The following TMCC1 variants were observed in gnomAD, a reference collection of about 807,000 sequenced individuals.
TMCC1 encodes the protein transmembrane and coiled-coil domain family 1.
Under a neutral mutation model 52.4 loss-of-function variants are expected in TMCC1, and 15 were observed. The ratio of observed to expected loss-of-function variants is 0.29; its 90% CI spans 0.19 to 0.44. The LOEUF (loss-of-function observed/expected upper bound fraction) is 0.44. TMCC1 is among the 20% of genes least tolerant of loss of function. The pLI, the probability that TMCC1 is intolerant of heterozygous loss-of-function variation, is 1.00. For synonymous variants in TMCC1, 279 were observed against 301.9 expected (o/e 0.92, Z 0.79); for missense variants, 503 against 806.0 (o/e 0.62, Z 4.55).
chr3:129,723,718 T>C (rs1417490472), intron 4 of TMCC1, among the ~76,000 whole-genome samples: 1 of 152,110 alleles, frequency 6.6e-6, no homozygotes, highest in East Asian at 1.9e-4. Context: ...AATGAACAAC[T>C]AGGAAACACA....
At position 129,763,207 on chromosome 3, in the gene TMCC1, AAAATAAATAAATAAATAAAT is replaced by A. The variant is rs201181579; in HGVS notation, c.576+64576_576+64595del. ...AGCAAGACTCTGTCTCAAAAAATAA[AAAATAAATAAATAAATAAAT>A]AAATAAATAAATAAATAAATAAATA... On this transcript the variant is annotated intron_variant, in intron 4 of 6. Coordinates refer to ENST00000393238, the MANE Select transcript of TMCC1 (RefSeq NM_001017395.5). 9.1e-5 allele frequency among the ~76,000 whole-genome samples: 12 copies of A among 131,352 alleles called. 1 individual carries two copies. Among genetic ancestry groups the A allele is most frequent in the African/African-American group, 1.4e-4 (4 of 29,346 alleles). 86.2% of individuals were successfully genotyped at this position (131,352 alleles called of 152,430 possible).
intron 1 of TMCC1, among the ~76,000 whole-genome samples, chr3:129,885,766 CAG>C (rs1410881846): frequency 3.0e-4 from 45 of 151,862 alleles, no homozygotes; most frequent in African/African-American, 9.9e-4. Context: ...TTTTTTGAGA[CAG>C]AGTCTCACTC....
chr3:129,707,442 C>T (rs973943151), intron 4 of TMCC1, among the ~76,000 whole-genome samples: 50 of 152,158 alleles, frequency 3.3e-4, no homozygotes, highest in African/African-American at 1.2e-3. Context: ...TTATCACATA[C>T]GACTAAGAAG....
intron 4 of TMCC1, among the ~76,000 whole-genome samples, chr3:129,686,723 TAGTGTA>T (rs1416273710): frequency 6.6e-6 from 1 of 151,884 alleles, no homozygotes; most frequent in Non-Finnish European, 1.5e-5. Flanking sequence ...AGAAAAGGAA[TAGTGTA>T]AGGGAGGAAA....
chr3:129,863,715 A>G (rs1031680029), intron 2 of TMCC1, among the ~76,000 whole-genome samples: 1 of 152,098 alleles, frequency 6.6e-6, no homozygotes, highest in Non-Finnish European at 1.5e-5. Context: ...TACAAAAATT[A>G]GCCAGGCGTG....
At chr3:129,678,279 A>G (rs998508572) in intron 4 of TMCC1, among the ~76,000 whole-genome samples, 2 of 151,598 alleles carry the variant, frequency 1.3e-5, no homozygotes, top group Non-Finnish European at 2.9e-5. Flanking sequence ...AACATTAATA[A>G]TCATAGTTGC....
At chr3:129,829,291 A>G (rs565921868) in intron 3 of TMCC1, among the ~76,000 whole-genome samples, 2 of 152,250 alleles carry the variant, frequency 1.3e-5, no homozygotes, top group East Asian at 1.9e-4. Flanking sequence ...CCATATATCC[A>G]TACAAACTCA....
chr3:129,817,360 GATCGC>G (rs2058148465), intron 4 of TMCC1, among the ~76,000 whole-genome samples: 1 of 151,996 alleles, frequency 6.6e-6, no homozygotes, highest in Admixed American at 6.6e-5. Flanking sequence ...GAGGTGGGAG[GATCGC>G]TTGAGCCCAG....
In TMCC1 at chr3:129,828,077, G is replaced by A. The variant is rs1221414997; in HGVS notation, c.302C>T (p.Ala101Val). Residue 101 changes from alanine (A) to valine (V), a missense_variant, in exon 4 of 7, where the codon GCT becomes GTT. Transcript: ENST00000393238. This position sits in a 1 kb window ranked among gnomAD's most constrained non-coding sequence, Gnocchi z 4.1. ...EIDGVPTHPT[A>V]LNRVLQQIRV... ...AATCTGCTGCAGGACACGATTCAGA[G>A]CTGTGGGGTGGGTGGGGACACCATC... 6.2e-7 allele frequency: 1 copy of A among 1,614,178 alleles called. No homozygotes were observed. Among genetic ancestry groups the A allele is most frequent in the African/African-American group, 1.3e-5 (1 of 75,040 alleles).
chr3:129,707,729 C>A (rs182544564), intron 4 of TMCC1, among the ~76,000 whole-genome samples: 1 of 151,964 alleles, frequency 6.6e-6, no homozygotes, highest in Non-Finnish European at 1.5e-5. Flanking sequence ...GTCAGGAGAT[C>A]GAGACCATCC....
At chr3:129,803,088 A>T (rs2057284378) in intron 4 of TMCC1, among the ~76,000 whole-genome samples, 1 of 152,218 alleles carries the variant, frequency 6.6e-6, no homozygotes, top group Admixed American at 6.5e-5. Context: ...CTCCCATGGT[A>T]ATGTCATTAA....
intron 2 of TMCC1, among the ~76,000 whole-genome samples, chr3:129,865,791 G>A (rs1258502735): frequency 2.0e-5 from 3 of 152,138 alleles, no homozygotes; most frequent in Non-Finnish European, 2.9e-5. Context: ...TGAATGATGG[G>A]CCATTAATCA....
intron 4 of TMCC1, among the ~76,000 whole-genome samples, chr3:129,746,494 G>A (rs1322565349): frequency 3.9e-5 from 6 of 151,954 alleles, no homozygotes; most frequent in Non-Finnish European, 7.4e-5. Context: ...GATGACTACT[G>A]TGTAATATAA....
chr3:129,760,434 G>GTT (rs1307811598), intron 4 of TMCC1, among the ~76,000 whole-genome samples: 2 of 122,856 alleles, frequency 1.6e-5, no homozygotes, highest in African/African-American at 5.4e-5. Context: ...GTGTGTGTGT[G>GTT]TTTTTGAGAC....
chr3:129,866,249 T>C (rs913775536), intron 2 of TMCC1, among the ~76,000 whole-genome samples: 4 of 141,702 alleles, frequency 2.8e-5, no homozygotes, highest in African/African-American at 7.8e-5. Flanking sequence ...CATACATATA[T>C]ATAATATATA....
At chr3:129,791,462 T>G (rs2056459570) in intron 4 of TMCC1, among the ~76,000 whole-genome samples, 1 of 152,156 alleles carries the variant, frequency 6.6e-6, no homozygotes, top group South Asian at 2.1e-4. Context: ...TAGACCTACG[T>G]TTGACTCGGC....
rs375662680 is a variant in TMCC1, at chr3:129,722,924, T to C, written c.577-51660A>G. Among the ~76,000 whole-genome samples the C allele has an allele frequency of 3.9e-5, 6 of 152,190 alleles. No homozygotes were observed. In the East Asian group the frequency reaches 1.2e-3, roughly 29 times the overall value. ...CATAAGGCATAAGAGGGTAATTCAA[T>C]ATCAAACTTCACAGTGAAAAATCTG... On this transcript the variant is annotated intron_variant, in intron 4 of 6. Transcript: ENST00000393238.
At chr3:129,712,476 C>G (rs959143096) in intron 4 of TMCC1, among the ~76,000 whole-genome samples, 11 of 152,118 alleles carry the variant, frequency 7.2e-5, no homozygotes, top group African/African-American at 1.9e-4. Context: ...GAGACAGGGT[C>G]TTGGTTTGTT....
intron 4 of TMCC1, among the ~76,000 whole-genome samples, chr3:129,697,909 T>C (rs2047531512): frequency 6.6e-6 from 1 of 152,168 alleles, no homozygotes; most frequent in African/African-American, 2.4e-5. Flanking sequence ...AACAAGACTC[T>C]AGGAAGTTCC....
Sources: allele counts gnomAD v4.1 joint callset (sites outside exome capture counted in the v4.1 genomes callset), GRCh38; gene constraint gnomAD v4.1.1; non-coding constraint Gnocchi (gnomAD v3.1); transcripts MANE v1.5; gene names NCBI Gene and HGNC (gene_info 2026-07-23, HGNC 2026-07-21).